ABLIM1: variants seen among roughly 807,000 people sequenced by gnomAD.
The protein encoded by ABLIM1 is actin-binding LIM protein 1.
ABLIM1 carries 40 observed loss-of-function variants against 107.0 expected under a neutral mutation model. That is an observed-to-expected ratio of 0.37 (90% CI 0.29 to 0.49). The LOEUF (loss-of-function observed/expected upper bound fraction) is 0.49. ABLIM1 is among the 20% of genes least tolerant of loss of function. The pLI is 0.97. For missense variants in ABLIM1, 857 were observed against 1,008.5 expected (o/e 0.85, Z 2.04); for synonymous variants, 357 against 357.3 (o/e 1.00, Z 0.01).
In ABLIM1 at chr10:114,455,352, T is replaced by C. The variant is rs768321227; in HGVS notation, c.1442-1869A>G. Among the ~76,000 whole-genome samples the C allele has an allele frequency of 5.3e-5, 8 of 152,232 alleles. No individual in the cohort carries two copies. In the South Asian group the frequency reaches 1.0e-3, roughly 20 times the overall value. ...AATGTTGACTTTATTATTTAAGTCA[T>C]ATATTAGTTCCTAAAAATTATGAAA... On this transcript the variant is annotated intron_variant, in intron 12 of 22. Transcript: ENST00000533213.
At chr10:114,740,962 A>C (rs115477891) in intron 1 of ABLIM1, among the ~76,000 whole-genome samples, 1 of 151,132 alleles carries the variant, frequency 6.6e-6, no homozygotes, top group South Asian at 2.1e-4. Context: ...GAACCTAGGA[A>C]GCGGGGGTTG....
At chr10:114,616,244 C>T (rs2077125561) in intron 1 of ABLIM1, among the ~76,000 whole-genome samples, 1 of 152,200 alleles carries the variant, frequency 6.6e-6, no homozygotes, top group Non-Finnish European at 1.5e-5. Context: ...CTGCCCCACT[C>T]CTCCCAACCA....
Position 114,718,050 on chromosome 10 carries a change from A to AAAGG in ABLIM1, c.-213+50010_-213+50011insCCTT, listed in dbSNP as rs2081730817. Among the ~76,000 whole-genome samples, 361 of 81,286 alleles carry AAAGG rather than the reference A, an allele frequency of 4.4e-3. 4 individuals are homozygous for AAAGG. Among genetic ancestry groups the AAAGG allele is most frequent in the African/African-American group, 0.015 (344 of 23,444 alleles). The allele number at this position is 81,286 out of a possible 152,430, so 53.3% of individuals were successfully genotyped here. Reference sequence around the variant, plus strand: ...AGGAAGGAGAAAGAGAAAGAGAAAGAAAGAAAGAAAGAAAGGAAGAAAGGA... The same window carrying AAAGG: ...AGGAAGGAGAAAGAGAAAGAGAAAGAAAGGAAGAAAGAAAGAAAGGAAGAAAGGA... On this transcript the variant is annotated intron_variant, in intron 1 of 15. Transcript: ENST00000651092.
At chr10:114,468,050 C>A in intron 11 of ABLIM1, 131 bp downstream of exon 11, 1 of 778,928 alleles carries the variant, frequency 1.3e-6, no homozygotes. Context: ...TCCCCAAAGC[C>A]ACCATAACCC....
At chr10:114,532,024 A>T (rs2065501710) in intron 6 of ABLIM1, among the ~76,000 whole-genome samples, 1 of 152,172 alleles carries the variant, frequency 6.6e-6, no homozygotes, top group Non-Finnish European at 1.5e-5. Flanking sequence ...GATGTTGGCC[A>T]GGCTCGTCTC....
chr10:114,437,996 G>T lies in ABLIM1; in HGVS notation c.2143-72C>A, dbSNP rs946304941. The T allele has an allele frequency of 2.2e-6, 3 of 1,394,378 alleles. 1 individual carries two copies. The highest frequency in any genetic ancestry group is 3.4e-5 in the Admixed American group (2 of 58,180). 86.4% of individuals were successfully genotyped at this position (1,394,378 alleles called of 1,614,324 possible). On this transcript the variant is annotated intron_variant, in intron 21 of 22. Transcript: ENST00000533213. ...ATTAACAAGCAGAATCCACCTAAACGCTAGTACTCCCAAGATAGAGCTTCC... is the reference window on the plus strand; with the variant it reads ...ATTAACAAGCAGAATCCACCTAAACTCTAGTACTCCCAAGATAGAGCTTCC...
At chr10:114,527,116 T>A (rs555871627) in intron 6 of ABLIM1, among the ~76,000 whole-genome samples, 1 of 152,356 alleles carries the variant, frequency 6.6e-6, no homozygotes, top group African/African-American at 2.4e-5. Context: ...AAGCTTGTAC[T>A]GAAACGAGAT....
intron 6 of ABLIM1, among the ~76,000 whole-genome samples, chr10:114,525,954 T>G (rs942300938): frequency 6.6e-6 from 1 of 152,216 alleles, no homozygotes; most frequent in East Asian, 1.9e-4. Flanking sequence ...CCAAAAAAAG[T>G]CTTTACAGTA....
chr10:114,552,395 A>G (rs936671967), intron 4 of ABLIM1, among the ~76,000 whole-genome samples: 4 of 152,258 alleles, frequency 2.6e-5, no homozygotes, highest in Middle Eastern at 3.4e-3. Context: ...ATTATTGCCA[A>G]CGTCAGAAGT....
intron 4 of ABLIM1, among the ~76,000 whole-genome samples, chr10:114,565,669 T>C (rs183576227): frequency 8.3e-4 from 125 of 150,598 alleles, no homozygotes; most frequent in Non-Finnish European, 1.5e-3. Context: ...AACATAAAGA[T>C]AAAAGAAAGT....
chr10:114,691,804 T>C (rs1369398091), intron 1 of ABLIM1, among the ~76,000 whole-genome samples: 1 of 152,108 alleles, frequency 6.6e-6, no homozygotes, highest in Non-Finnish European at 1.5e-5. Context: ...ACCACAGCAA[T>C]TGCAAAATAT....
chr10:114,671,342 T>C (rs935899498), intron 1 of ABLIM1, among the ~76,000 whole-genome samples: 1 of 152,218 alleles, frequency 6.6e-6, no homozygotes, highest in African/African-American at 2.4e-5. Flanking sequence ...TTCTCCTGTT[T>C]GGGGACATTT....
chr10:114,589,552 GA>G (rs1355852353), intron 2 of ABLIM1, among the ~76,000 whole-genome samples: 2 of 151,014 alleles, frequency 1.3e-5, no homozygotes, highest in South Asian at 2.1e-4. Context: ...GAGAGAGAGA[GA>G]GAGGGGCTTG....
intron 1 of ABLIM1, among the ~76,000 whole-genome samples, chr10:114,758,310 T>C: frequency 6.6e-6 from 1 of 152,190 alleles, no homozygotes; most frequent in South Asian, 2.1e-4. Flanking sequence ...TTCTACAGTT[T>C]ATATAAAGCA....
chr10:114,573,993 A>C (rs886862633), intron 3 of ABLIM1, among the ~76,000 whole-genome samples: 73 of 152,352 alleles, frequency 4.8e-4, no homozygotes, highest in African/African-American at 1.6e-3. Context: ...TAAAAAAATG[A>C]AATAGAGAAA....
chr10:114,549,697 T>A (rs2067809988), intron 4 of ABLIM1, among the ~76,000 whole-genome samples: 1 of 152,080 alleles, frequency 6.6e-6, no homozygotes, highest in Non-Finnish European at 1.5e-5. Context: ...TAACAAAAAC[T>A]GGAAATAGGC....
chr10:114,748,589 A>C (rs1314037261), intron 1 of ABLIM1, among the ~76,000 whole-genome samples: 1 of 151,852 alleles, frequency 6.6e-6, no homozygotes, highest in Non-Finnish European at 1.5e-5. Context: ...TCAAAAAAAA[A>C]AAAAAGTAAA....
At chr10:114,620,495 CA>C (rs1412141997) in intron 1 of ABLIM1, among the ~76,000 whole-genome samples, 1 of 152,068 alleles carries the variant, frequency 6.6e-6, no homozygotes, top group Non-Finnish European at 1.5e-5. Context: ...CTGCAACCTC[CA>C]CCTCCTGGGT....
At chr10:114,790,202 A>G in the ABLIM1 span, among the ~76,000 whole-genome samples, 6 of 151,664 alleles carry the variant, frequency 4.0e-5, no homozygotes, top group African/African-American at 1.2e-4. Flanking sequence ...GGCCTGGAAT[A>G]TAGAGGTTCC....
Sources: gnomAD v4.1 joint callset for allele counts (sites outside exome capture counted in the v4.1 genomes callset) on GRCh38, gnomAD v4.1.1 for gene constraint, MANE v1.5 for transcripts, NCBI Gene and HGNC (gene_info 2026-07-23, HGNC 2026-07-21) for gene names.